Variants in ARHGEF38 observed in about 807,000 individuals in gnomAD.
ARHGEF38 encodes the protein Rho guanine nucleotide exchange factor 38.
Under a neutral mutation model 79.9 loss-of-function variants are expected in ARHGEF38, and 79 were observed. That is an observed-to-expected ratio of 0.99 (90% CI 0.82 to 1.19). The LOEUF is 1.19. Among genes scored for constraint, ARHGEF38 ranks in the 50% most tolerant of loss-of-function variants. The pLI is 0.00. For missense variants in ARHGEF38, 962 were observed against 907.2 expected (o/e 1.06, Z -0.78); for synonymous variants, 366 against 328.3 (o/e 1.11, Z -1.24).
intron 7 of ARHGEF38, among the ~76,000 whole-genome samples, chr4:105,650,682 C>T (rs1336488286): frequency 1.3e-5 from 2 of 152,288 alleles, no homozygotes; most frequent in South Asian, 2.1e-4. Context: ...AAACTTCTTC[C>T]TTCCAAGTCA....
At chr4:105,673,769 T>G (rs1260776294) in intron 13 of ARHGEF38, among the ~76,000 whole-genome samples, 4 of 149,406 alleles carry the variant, frequency 2.7e-5, no homozygotes, top group African/African-American at 7.7e-5. Context: ...GGGTGGGTTT[T>G]GTTTTGTTTT....
At chr4:105,654,373 C>T (rs1730238084) in intron 8 of ARHGEF38, among the ~76,000 whole-genome samples, 1 of 152,220 alleles carries the variant, frequency 6.6e-6, no homozygotes, top group Non-Finnish European at 1.5e-5. Context: ...CTGCTCCACT[C>T]TCTCCCCAGT....
At chr4:105,563,883 A>G (rs996353974) in intron 1 of ARHGEF38, among the ~76,000 whole-genome samples, 2 of 152,230 alleles carry the variant, frequency 1.3e-5, no homozygotes, top group Non-Finnish European at 2.9e-5. Context: ...TGGAAATTAG[A>G]AAGATATGTA....
intron 11 of ARHGEF38, 44 bp from the exon 12 acceptor site, chr4:105,667,085 A>T: frequency 7.0e-7 from 1 of 1,434,890 alleles, no homozygotes; most frequent in Non-Finnish European, 9.3e-7. Context: ...TGAGGATTTT[A>T]TTATGTATCT....
At chr4:105,578,634 T>C (rs1166116985) in intron 1 of ARHGEF38, among the ~76,000 whole-genome samples, 1 of 152,182 alleles carries the variant, frequency 6.6e-6, no homozygotes, top group African/African-American at 2.4e-5. Context: ...GATATCTTCC[T>C]GTCGAAATTA....
chr4:105,614,862 TC>T (rs1486475178), intron 3 of ARHGEF38, among the ~76,000 whole-genome samples: 3 of 152,188 alleles, frequency 2.0e-5, no homozygotes, highest in African/African-American at 7.2e-5. Flanking sequence ...TTTCTCTCTT[TC>T]AAAAACATTC....
intron 1 of ARHGEF38, among the ~76,000 whole-genome samples, chr4:105,573,082 G>T (rs771705827): frequency 6.6e-6 from 1 of 151,994 alleles, no homozygotes; most frequent in Non-Finnish European, 1.5e-5. Flanking sequence ...TTTTATTCAG[G>T]TTGTTTATTT....
chr4:105,640,369 T>G (rs1242633343), intron 5 of ARHGEF38, among the ~76,000 whole-genome samples: 1 of 152,174 alleles, frequency 6.6e-6, no homozygotes, highest in Non-Finnish European at 1.5e-5. Context: ...CTCTGCTGCT[T>G]CTTGTTCTTC....
In ARHGEF38 at chr4:105,667,291, C is replaced by T. The variant is rs774029178; in HGVS notation, c.1852C>T (p.Leu618=). 2.0e-6 allele frequency: 3 copies of T among 1,536,168 alleles called. No homozygotes were observed. Among genetic ancestry groups the T allele is most frequent in the East Asian group, 2.4e-5 (1 of 40,920 alleles). The change falls in exon 12 of 14, where the codon CTG becomes TTG. Residue 618 remains leucine (L), a synonymous_variant. Transcript: ENST00000420470. The part of the protein sequence containing the change: ...LVAVIEQKDP[L]GSTSRWLVDT... ...GGCTGTGATAGAACAGAAAGATCCA[C>T]TGGGGAGTACAAGCAGGTGGCTTGT... is the stretch of plus-strand genomic sequence containing the variant.
At chr4:105,654,363 C>T (rs1333565548) in intron 8 of ARHGEF38, among the ~76,000 whole-genome samples, 194 bp downstream of exon 8, 1 of 152,128 alleles carries the variant, frequency 6.6e-6, no homozygotes. Flanking sequence ...GACCTCTTAC[C>T]TGCTCCACTC....
chr4:105,587,149 A>G (rs1727092680), intron 1 of ARHGEF38, among the ~76,000 whole-genome samples: 1 of 152,024 alleles, frequency 6.6e-6, no homozygotes, highest in Non-Finnish European at 1.5e-5. Context: ...TCCAATGCAA[A>G]TATTACAAAT....
intron 5 of ARHGEF38, among the ~76,000 whole-genome samples, chr4:105,637,999 A>G (rs1729467778): frequency 6.6e-6 from 1 of 152,150 alleles, no homozygotes; most frequent in Non-Finnish European, 1.5e-5. Context: ...TCTGCCATGA[A>G]TTATTTTCCT....
At chr4:105,674,428 G>T (rs1435593117) in intron 13 of ARHGEF38, among the ~76,000 whole-genome samples, 3 of 152,072 alleles carry the variant, frequency 2.0e-5, no homozygotes, top group Non-Finnish European at 2.9e-5. Context: ...TAGCATTTAA[G>T]ATTAGAAAGT....
intron 1 of ARHGEF38, among the ~76,000 whole-genome samples, chr4:105,559,517 C>T (rs112349518): frequency 2.0e-5 from 3 of 152,088 alleles, no homozygotes; most frequent in Middle Eastern, 3.4e-3. Flanking sequence ...GGTAGGAGTG[C>T]GTGTGTCCCA....
At chr4:105,613,140 A>G (rs1406111034) in intron 2 of ARHGEF38, among the ~76,000 whole-genome samples, 1 of 152,184 alleles carries the variant, frequency 6.6e-6, no homozygotes, top group Non-Finnish European at 1.5e-5. Flanking sequence ...TCTTATAGGA[A>G]TATATAGATG....
chr4:105,621,944 A>C (rs1728750991), intron 3 of ARHGEF38, among the ~76,000 whole-genome samples: 1 of 152,136 alleles, frequency 6.6e-6, no homozygotes, highest in African/African-American at 2.4e-5. Context: ...GCTTTGGAGA[A>C]AATGACAATG....
intron 13 of ARHGEF38, 25 bp from the exon 14 acceptor site, chr4:105,677,724 CAAT>C: frequency 7.2e-7 from 1 of 1,385,142 alleles, no homozygotes; most frequent in Non-Finnish European, 9.4e-7. Flanking sequence ...GTTCCAATTC[CAAT>C]AATGTCTTTT....
chr4:105,587,622 G>A (rs908606105), intron 1 of ARHGEF38, among the ~76,000 whole-genome samples: 4 of 152,146 alleles, frequency 2.6e-5, no homozygotes, highest in South Asian at 4.1e-4. Flanking sequence ...CACCACGCCC[G>A]GCTCTTTTGT....
At chr4:105,610,193 A>G (rs1728231144) in intron 2 of ARHGEF38, among the ~76,000 whole-genome samples, 1 of 151,962 alleles carries the variant, frequency 6.6e-6, no homozygotes, top group African/African-American at 2.4e-5. Context: ...AACAACACAC[A>G]CTAGGGCTGA....
Sources: allele counts gnomAD v4.1 joint callset (sites outside exome capture counted in the v4.1 genomes callset), GRCh38; gene constraint gnomAD v4.1.1; transcripts MANE v1.5; gene names NCBI Gene and HGNC (gene_info 2026-07-23, HGNC 2026-07-21).